Variants in ARHGAP35 observed in about 807,000 individuals in gnomAD.
ARHGAP35 encodes the protein rho GTPase-activating protein 35.
A neutral mutation model predicts 111.1 loss-of-function variants in ARHGAP35; 15 were observed. The observed-to-expected ratio is 0.13, with a 90% CI of 0.09 to 0.21. The LOEUF (loss-of-function observed/expected upper bound fraction) is 0.21, where lower values mean the gene tolerates loss of function less well. ARHGAP35 is among the 10% of genes least tolerant of loss of function. ARHGAP35 has a pLI of 1.00. For synonymous variants in ARHGAP35, 643 were observed against 710.3 expected (o/e 0.91, Z 1.51); for missense variants, 1,262 against 1,873.0 (o/e 0.67, Z 6.02).
chr19:46,878,798 T>C (rs1039254552), intron 1 of ARHGAP35, among the ~76,000 whole-genome samples: 1 of 152,160 alleles, frequency 6.6e-6, no homozygotes, highest in African/African-American at 2.4e-5. Context: ...AAAATGCTGG[T>C]GATCATCTGA....
In ARHGAP35 at chr19:46,921,627, T is replaced by C; in HGVS notation, c.2952T>C (p.Asp984=). 6.2e-7 allele frequency: 1 copy of C among 1,613,938 alleles called. No homozygotes were observed. The change falls in exon 2 of 7, where the codon GAT becomes GAC. Residue 984 remains aspartate (D), a synonymous_variant. Coordinates refer to ENST00000672722, the MANE Select transcript of ARHGAP35 (RefSeq NM_004491.5). The surrounding 1 kb of genome is among the most constrained non-coding windows in gnomAD (Gnocchi z 4.3). ...GSPLCNSNLQ[D]SEEDIEPSYS... ...CGCTCTGCAACTCAAACCTGCAGGA[T>C]TCAGAAGAAGATATCGAGCCATCTT...
chr19:46,939,682 G>T (rs1186455474), intron 3 of ARHGAP35, among the ~76,000 whole-genome samples: 1 of 151,906 alleles, frequency 6.6e-6, no homozygotes, highest in African/African-American at 2.4e-5. Flanking sequence ...CAAAGTGCTG[G>T]GATTACAGGC....
intron 3 of ARHGAP35, among the ~76,000 whole-genome samples, chr19:46,968,724 C>T (rs879912042): frequency 3.3e-5 from 5 of 152,160 alleles, no homozygotes; most frequent in Admixed American, 3.3e-4. Flanking sequence ...ACTAGTCACA[C>T]AAGATCACAT....
In ARHGAP35 at chr19:46,986,949, C is replaced by T. The variant is rs552242696; in HGVS notation, c.3827-1040C>T. On this transcript the variant is annotated intron_variant, in intron 3 of 6. Transcript: ENST00000672722. The surrounding 1 kb of genome is among the most constrained non-coding windows in gnomAD (Gnocchi z 4.3). ...GTTCAAGCAATTCTTCTGCCTCAGC[C>T]TCCCGAGTAGCTGGGATTATAGGCA... Among the ~76,000 whole-genome samples, 9 of 152,188 alleles carry T rather than the reference C, an allele frequency of 5.9e-5. No individual in the cohort carries two copies. Among genetic ancestry groups the T allele is most frequent in the Non-Finnish European group, 1.3e-4 (9 of 68,028 alleles).
intron 1 of ARHGAP35, among the ~76,000 whole-genome samples, chr19:46,869,527 G>T (rs967437134): frequency 4.0e-5 from 6 of 151,798 alleles, no homozygotes; most frequent in African/African-American, 1.5e-4. Flanking sequence ...TTGTGTGTGT[G>T]TATGTATATA....
At chr19:46,888,837 CAAAAAAA>C (rs769595005) in intron 1 of ARHGAP35, among the ~76,000 whole-genome samples, 1,539 of 57,394 alleles carry the variant, frequency 0.027, 25 homozygotes, top group African/African-American at 0.066. Flanking sequence ...ACTAAAAATA[CAAAAAAA>C]AAAAAAAAAA....
Position 46,994,861 on chromosome 19 carries a change from G to A in ARHGAP35, c.4037-4443G>A, listed in dbSNP as rs1408142696. 2.0e-5 allele frequency among the ~76,000 whole-genome samples: 3 copies of A among 152,184 alleles called. No homozygotes were observed. The highest frequency in any genetic ancestry group is 4.8e-5 in the African/African-American group (2 of 41,446). On this transcript the variant is annotated intron_variant, in intron 5 of 6. Transcript: ENST00000672722. This position sits in a 1 kb window ranked among gnomAD's most constrained non-coding sequence, Gnocchi z 5.4. ...CAAGGAGGAGGGGCCTCCCAAATCCGAGAATGAAAGAATTCGCATTGTCTG... is the reference window on the plus strand; with the variant it reads ...CAAGGAGGAGGGGCCTCCCAAATCCAAGAATGAAAGAATTCGCATTGTCTG...
In ARHGAP35 at chr19:46,988,224, C is replaced by A. The variant is rs977388069; in HGVS notation, c.3904+158C>A. 2.9e-6 allele frequency: 2 copies of A among 692,668 alleles called. No individual in the cohort carries two copies. Among genetic ancestry groups the A allele is most frequent in the Non-Finnish European group, 4.9e-6 (2 of 410,656 alleles). The allele number at this position is 692,668 out of a possible 1,614,324, so 42.9% of individuals were successfully genotyped here. The stretch of plus-strand genomic sequence containing the variant: ...AGAAAGAGACCATGTGTGGCTGCAG[C>A]GGGGAGGAGGGGACCGGGTCCTGTC... On this transcript the variant is annotated intron_variant, in intron 4 of 6. Coordinates refer to ENST00000672722, the MANE Select transcript of ARHGAP35 (RefSeq NM_004491.5). The surrounding 1 kb of genome is among the most constrained non-coding windows in gnomAD (Gnocchi z 5.4).
intron 1 of ARHGAP35, among the ~76,000 whole-genome samples, chr19:46,915,038 C>G (rs1332200464): frequency 3.3e-5 from 5 of 152,150 alleles, no homozygotes; most frequent in Non-Finnish European, 5.9e-5. Flanking sequence ...CTTCCTCAAC[C>G]CTTCATCAGC....
At position 46,934,551 on chromosome 19, in the gene ARHGAP35, G is replaced by A. The variant is rs372597655; in HGVS notation, c.3682-2713G>A. 3.2e-4 allele frequency among the ~76,000 whole-genome samples: 49 copies of A among 152,202 alleles called. No homozygotes were observed. In the South Asian group the frequency reaches 0.01, roughly 32 times the overall value. ...CCCGGCTAATTTTTGTATTTTTGTA[G>A]AGACAGGGTTTCACTATGTTGGCCA... is the stretch of plus-strand genomic sequence containing the variant. On this transcript the variant is annotated intron_variant, in intron 2 of 6. Transcript: ENST00000672722.
At chr19:46,894,269 G>A (rs985493962) in intron 1 of ARHGAP35, among the ~76,000 whole-genome samples, 1 of 152,112 alleles carries the variant, frequency 6.6e-6, no homozygotes, top group Non-Finnish European at 1.5e-5. Context: ...ACTTGATGAA[G>A]TGAGATTCTT....
Position 46,993,464 on chromosome 19 carries a change from A to G in ARHGAP35, c.4036+3789A>G, listed in dbSNP as rs1264795256. Among the ~76,000 whole-genome samples the G allele has an allele frequency of 1.3e-5, 2 of 152,202 alleles. No homozygotes were observed. Among genetic ancestry groups the G allele is most frequent in the East Asian group, 3.9e-4 (2 of 5,190 alleles). ...CAGGGCAGGAGTGTTCTTTGGGAAC[A>G]GGGTCTCTGCCGCCACTTTGTTTGA... On this transcript the variant is annotated intron_variant, in intron 5 of 6. Transcript: ENST00000672722. This position sits in a 1 kb window ranked among gnomAD's most constrained non-coding sequence, Gnocchi z 4.6.
chr19:46,971,733 T>C (rs1019472013), intron 3 of ARHGAP35, among the ~76,000 whole-genome samples: 2 of 151,722 alleles, frequency 1.3e-5, no homozygotes, highest in Non-Finnish European at 2.9e-5. Flanking sequence ...CTCCTGACCT[T>C]GTGATCTGCC....
At chr19:46,899,090 G>A (rs368333551) in intron 1 of ARHGAP35, among the ~76,000 whole-genome samples, 2 of 152,316 alleles carry the variant, frequency 1.3e-5, no homozygotes, top group South Asian at 2.1e-4. Context: ...TGATACGGAG[G>A]AGAATGTAGA....
intron 2 of ARHGAP35, among the ~76,000 whole-genome samples, chr19:46,923,312 C>T (rs2056216545): frequency 6.6e-6 from 1 of 151,876 alleles, no homozygotes; most frequent in South Asian, 2.1e-4. Flanking sequence ...GACGGGGTTT[C>T]ACCGTGTTAG....
rs992028028 is a variant in ARHGAP35, at chr19:46,952,762, C to T, written c.3826+15354C>T. On this transcript the variant is annotated intron_variant, in intron 3 of 6. Coordinates refer to ENST00000672722, the MANE Select transcript of ARHGAP35 (RefSeq NM_004491.5). ...GATCTCAGCTCGCAGCGTGCAGCCT[C>T]GACCTCCTGGGTCTCAGGTGATCCT... is the stretch of plus-strand genomic sequence containing the variant. Among the ~76,000 whole-genome samples the T allele has an allele frequency of 2.6e-4, 39 of 152,198 alleles. 1 individual carries two copies. The highest frequency in any genetic ancestry group is 9.4e-4 in the African/African-American group (39 of 41,448).
Position 46,908,178 on chromosome 19 carries a change from G to T in ARHGAP35, c.-188-10310G>T, listed in dbSNP as rs1045119390. On this transcript the variant is annotated intron_variant, in intron 1 of 6. Transcript: ENST00000672722. This position sits in a 1 kb window ranked among gnomAD's most constrained non-coding sequence, Gnocchi z 4.2. ...TCTTTCAAAAAGAACTTTTTTCCTA[G>T]TGAGAAGTTTTAAAAAAAAATTAGT... Among the ~76,000 whole-genome samples, 46 of 152,106 alleles carry T rather than the reference G, an allele frequency of 3.0e-4. No individual in the cohort carries two copies. Among genetic ancestry groups the T allele is most frequent in the African/African-American group, 1.1e-3 (45 of 41,410 alleles).
intron 3 of ARHGAP35, among the ~76,000 whole-genome samples, chr19:46,941,634 G>A (rs67197807): frequency 0.061 from 9,156 of 149,648 alleles, 407 homozygotes; most frequent in East Asian, 0.18. Flanking sequence ...GGAGTGCAGT[G>A]GTGCAGTCAT....
intron 1 of ARHGAP35, among the ~76,000 whole-genome samples, chr19:46,865,760 G>A (rs1324744286): frequency 2.0e-5 from 3 of 152,192 alleles, no homozygotes; most frequent in Admixed American, 6.5e-5. Flanking sequence ...GTGTTAGGCC[G>A]CTTGCAGCGT....
Sources: gnomAD v4.1 joint callset for allele counts (sites outside exome capture counted in the v4.1 genomes callset) on GRCh38, gnomAD v4.1.1 for gene constraint, Gnocchi (gnomAD v3.1) non-coding constraint, MANE v1.5 for transcripts, NCBI Gene and HGNC (gene_info 2026-07-23, HGNC 2026-07-21) for gene names.